The following SF3B2 variants were observed in gnomAD, a reference collection of about 807,000 sequenced individuals.
SF3B2 encodes the protein SAP 145.
A neutral mutation model predicts 116.3 loss-of-function variants in SF3B2; 22 were observed. That is an observed-to-expected ratio of 0.19 (90% CI 0.14 to 0.27). The LOEUF is 0.27. Ranked by LOEUF, SF3B2 falls within the 10% of genes least tolerant of loss-of-function variation. The pLI, the probability that SF3B2 is intolerant of heterozygous loss-of-function variation, is 1.00. For synonymous variants in SF3B2, 406 were observed against 421.6 expected (o/e 0.96, Z 0.45); for missense variants, 767 against 1,151.4 (o/e 0.67, Z 4.83).
intron 14 of SF3B2, 73 bp from the exon 15 acceptor site, chr11:66,061,613 C>T (rs149928379): frequency 1.8e-6 from 2 of 1,128,088 alleles, no homozygotes; most frequent in African/African-American, 3.0e-5. Context: ...GATTTTATAT[C>T]TGATGTGCGT....
intron 19 of SF3B2, chr11:66,067,446 T>A (rs751559500): frequency 3.3e-5 from 15 of 456,256 alleles, no homozygotes; most frequent in South Asian, 2.3e-4. Context: ...ATGGGCATAG[T>A]CTGGGGTGAT....
At chr11:66,065,306 T>G (rs953818979) in intron 19 of SF3B2, 1 of 152,236 alleles carries the variant, frequency 6.6e-6, no homozygotes, top group African/African-American at 2.4e-5. Flanking sequence ...CTCCAGTGTC[T>G]TCTTTCTTGC....
chr11:66,053,970 G>C (rs954087336), intron 3 of SF3B2: 1 of 151,004 alleles, frequency 6.6e-6, no homozygotes, highest in South Asian at 2.1e-4. Flanking sequence ...GATCGCCTGC[G>C]GTCAGGAGTT....
intron 3 of SF3B2, chr11:66,053,743 A>C (rs187288611): frequency 1.3e-5 from 2 of 154,878 alleles, no homozygotes; most frequent in African/African-American, 4.8e-5. Context: ...AAAAATAGCT[A>C]ATGCATGCCA....
chr11:66,062,078 C>G (rs1857109039), intron 16 of SF3B2, 80 bp downstream of exon 16: 2 of 939,310 alleles, frequency 2.1e-6, no homozygotes, highest in Non-Finnish European at 3.3e-6. Flanking sequence ...CCTTCTCTAA[C>G]TCCACCATGT....
chr11:66,063,688 C>T lies in SF3B2; in HGVS notation c.2289C>T (p.Leu763=). Residue 763 remains leucine, a synonymous_variant, in exon 19 of 22, where the codon CTC becomes CTT. Transcript: ENST00000322535. The part of the protein sequence containing the change: ...SVPAGMETPE[L]IELRKKKIEE... ...CTGCTGGAATGGAGACCCCTGAACT[C>T]ATTGAGCTGAGGAAGAAGAAGATTG... The T allele has an allele frequency of 6.2e-7, 1 of 1,613,216 alleles. No homozygotes were observed. Among genetic ancestry groups the T allele is most frequent in the South Asian group, 1.1e-5 (1 of 90,864 alleles).
In SF3B2 at chr11:66,053,103, A is replaced by C. The variant is rs746317670; in HGVS notation, c.257A>C (p.Gln86Pro). The stretch of plus-strand genomic sequence containing the variant: ...GCCGCTCCACCTCCCATGTCGGCAC[A>C]GGTAGGGAGATTCTTCTGTTTTTTA... ...DKAAPPPMSA[Q>P]LPGIPMPPPP... Residue 86 changes from glutamine to proline, a missense_variant and splice_region_variant, in exon 3 of 22, where the codon CAG becomes CCG. Coordinates refer to ENST00000322535, the MANE Select transcript of SF3B2 (RefSeq NM_006842.3). The C allele has an allele frequency of 6.2e-7, 1 of 1,613,572 alleles. No homozygotes were observed. Among genetic ancestry groups the C allele is most frequent in the Non-Finnish European group, 8.5e-7 (1 of 1,179,654 alleles).
At chr11:66,052,867 C>A in intron 2 of SF3B2, 148 bp downstream of exon 2, 1 of 1,227,390 alleles carries the variant, frequency 8.1e-7, no homozygotes, top group Non-Finnish European at 1.2e-6. Context: ...CCTTTGCCAG[C>A]TTAGTTGTAA....
intron 16 of SF3B2, among the ~76,000 whole-genome samples, 199 bp from the exon 17 acceptor site, chr11:66,062,810 C>T (rs577235184): frequency 3.2e-4 from 49 of 152,308 alleles, no homozygotes; most frequent in African/African-American, 1.1e-3. Context: ...CCTCCTGTCT[C>T]CTTATCCTGT....
In SF3B2 at chr11:66,059,671, A is replaced by T. The variant is rs1284143586; in HGVS notation, c.1401+76A>T. 6.3e-7 allele frequency: 1 copy of T among 1,588,770 alleles called. No individual in the cohort carries two copies. The highest frequency in any genetic ancestry group is 1.1e-5 in the South Asian group (1 of 90,550). On this transcript the variant is annotated intron_variant, in intron 12 of 21. Transcript: ENST00000322535. This position sits in a 1 kb window ranked among gnomAD's most constrained non-coding sequence, Gnocchi z 5.0. ...CTGGGGAGCCAGGGAGGTGAAAAGG[A>T]GTTCTTTGAAGGAGGTGTGGGTGAT...
chr11:66,069,253 G>A lies in SF3B2; in HGVS notation c.*508G>A. ...TTCCCAACTGACCTTGTGACCAGAA[G>A]TTCAAGTCCTTACCTGTGCGACAAC... On this transcript the variant is annotated 3_prime_UTR_variant, in exon 22 of 22. Coordinates refer to ENST00000322535, the MANE Select transcript of SF3B2 (RefSeq NM_006842.3). The A allele has an allele frequency of 2.5e-6, 1 of 392,620 alleles. No homozygotes were observed. Among genetic ancestry groups the A allele is most frequent in the Non-Finnish European group, 5.3e-6 (1 of 188,452 alleles). 24.3% of individuals were successfully genotyped at this position (392,620 alleles called of 1,614,324 possible). A position where few individuals can be genotyped will look rare whatever the true frequency, so the allele number is the denominator to read the frequency against.
At chr11:66,060,233 T>G (rs1346540738) in intron 13 of SF3B2, among the ~76,000 whole-genome samples, 2 of 152,244 alleles carry the variant, frequency 1.3e-5, no homozygotes, top group African/African-American at 4.8e-5. Flanking sequence ...AGATTCGTGG[T>G]GGTTGTGTAA....
At chr11:66,055,944 C>G (rs1565087318) in intron 5 of SF3B2, 1 of 252,408 alleles carries the variant, frequency 4.0e-6, no homozygotes, top group Non-Finnish European at 7.5e-6. Flanking sequence ...TACATGACAT[C>G]ATTCTAGATA....
Position 66,068,008 on chromosome 11 carries a change from C to T in SF3B2, c.2393C>T (p.Ala798Val). The change falls in exon 20 of 22, where the codon GCC (alanine) becomes GTC (valine). Residue 798 changes from alanine to valine, a missense_variant. Around this residue, in one of 4 missense-constraint regions of SF3B2, gnomAD observed 282 missense variants for 568.0 expected, o/e 0.50. Transcript: ENST00000322535. Reference protein sequence around the residue: ...PEKRTATVGGAMMGSTHIYDM... With the variant: ...PEKRTATVGGVMMGSTHIYDM... ...AAGAGAACAGCCACTGTTGGAGGGG[C>T]CATGATGGGATCAACCCACATTTAT... The T allele has an allele frequency of 6.2e-7, 1 of 1,614,152 alleles. No homozygotes were observed. Among genetic ancestry groups the T allele is most frequent in the South Asian group, 1.1e-5 (1 of 91,074 alleles).
At chr11:66,058,717 G>A (rs1324795965) in intron 9 of SF3B2, 113 bp from the exon 10 acceptor site, 9 of 941,148 alleles carry the variant, frequency 9.6e-6, no homozygotes, top group South Asian at 6.9e-5. Flanking sequence ...TGGCCTCCTT[G>A]GGAAAAGCCT....
At chr11:66,068,430 G>A (rs897279189) in intron 21 of SF3B2, 97 bp downstream of exon 21, 145 of 1,264,994 alleles carry the variant, frequency 1.1e-4, no homozygotes, top group East Asian at 3.0e-4. Context: ...GAGTGAGGGT[G>A]GCCTCTGCTT....
Position 66,069,162 on chromosome 11 carries a change from C to G in SF3B2, c.*417C>G. ...CTTTGTCCTTGGGGAGTAAAAATAGCCAGATTAGCGCCCTAGCGCGGCAGA... is the reference window on the plus strand; with the variant it reads ...CTTTGTCCTTGGGGAGTAAAAATAGGCAGATTAGCGCCCTAGCGCGGCAGA... On this transcript the variant is annotated 3_prime_UTR_variant, in exon 22 of 22. Transcript: ENST00000322535. The G allele has an allele frequency of 2.8e-6, 1 of 352,494 alleles. No individual in the cohort carries two copies. The highest frequency in any genetic ancestry group is 5.7e-6 in the Non-Finnish European group (1 of 176,760). The allele number at this position is 352,494 out of a possible 1,614,324, so 21.8% of individuals were successfully genotyped here.
In SF3B2 at chr11:66,059,085, G is replaced by A. The variant is rs765708293; in HGVS notation, c.1182+40G>A. 6.2e-7 allele frequency: 1 copy of A among 1,609,442 alleles called. No homozygotes were observed. The highest frequency in any genetic ancestry group is 8.5e-7 in the Non-Finnish European group (1 of 1,176,328). ...CACTAGGAAGGGGCAGTGCCAAACA[G>A]GGAAGGGGCTCAGAGGTGGGTGAGA... On this transcript the variant is annotated intron_variant, in intron 10 of 21. Transcript: ENST00000322535. The surrounding 1 kb of genome is among the most constrained non-coding windows in gnomAD (Gnocchi z 5.0).
At chr11:66,057,602 A>C (rs1857024440) in intron 7 of SF3B2, among the ~76,000 whole-genome samples, 1 of 152,084 alleles carries the variant, frequency 6.6e-6, no homozygotes, top group Admixed American at 6.6e-5. Flanking sequence ...CACTGAGCCC[A>C]GTTGGTGTTG....
Sources: allele counts gnomAD v4.1 joint callset (sites outside exome capture counted in the v4.1 genomes callset), GRCh38; gene constraint gnomAD v4.1.1; regional missense constraint gnomAD v4.1.1; non-coding constraint Gnocchi (gnomAD v3.1); transcripts MANE v1.5; gene names NCBI Gene and HGNC (gene_info 2026-07-23, HGNC 2026-07-21).